Variants in SDK1 observed in about 807,000 individuals in gnomAD.
SDK1 encodes the protein sidekick cell adhesion molecule 1, also known as protein sidekick-1.
In SDK1, 157 loss-of-function variants were observed where a neutral mutation model predicts 245.5. The ratio of observed to expected loss-of-function variants is 0.64; its 90% CI spans 0.56 to 0.73. The LOEUF (loss-of-function observed/expected upper bound fraction) is 0.73, where lower values mean the gene tolerates loss of function less well. Among genes scored for constraint, SDK1 ranks in the 30% least tolerant of loss-of-function variants. The pLI is 0.00. For synonymous variants in SDK1, 1,647 were observed against 1,278.5 expected (o/e 1.29, Z -6.15); for missense variants, 3,583 against 3,002.3 (o/e 1.19, Z -4.52).
chr7:4,259,667 C>T (rs1230762817), intron 44 of SDK1, among the ~76,000 whole-genome samples: 4 of 152,182 alleles, frequency 2.6e-5, no homozygotes, highest in African/African-American at 9.7e-5. Flanking sequence ...CATCAGCTCA[C>T]CTAGGGGTAA....
chr7:4,033,289 C>A (rs969223239), intron 17 of SDK1, among the ~76,000 whole-genome samples: 1 of 152,030 alleles, frequency 6.6e-6, no homozygotes, highest in Non-Finnish European at 1.5e-5. Flanking sequence ...CATTCCCTAC[C>A]CCCATATACA....
intron 35 of SDK1, among the ~76,000 whole-genome samples, chr7:4,192,720 G>A (rs1212751899): frequency 6.6e-6 from 1 of 151,940 alleles, no homozygotes; most frequent in Non-Finnish European, 1.5e-5. Context: ...TCAATGATCT[G>A]GAACCAAACC....
At chr7:3,529,012 G>A (rs1783250443) in intron 1 of SDK1, among the ~76,000 whole-genome samples, 1 of 152,082 alleles carries the variant, frequency 6.6e-6, no homozygotes, top group African/African-American at 2.4e-5. Flanking sequence ...GTGGTAAGTT[G>A]TTTACATGCA....
chr7:4,250,829 A>G (rs1042170907), intron 44 of SDK1, among the ~76,000 whole-genome samples: 17 of 152,240 alleles, frequency 1.1e-4, no homozygotes, highest in Admixed American at 9.8e-4. Flanking sequence ...TTGCCCATTT[A>G]GAATATACGA....
intron 4 of SDK1, among the ~76,000 whole-genome samples, chr7:3,777,342 G>A (rs1780597485): frequency 6.6e-6 from 1 of 152,164 alleles, no homozygotes; most frequent in South Asian, 2.1e-4. Flanking sequence ...TTTCCAAATA[G>A]TTGCATGTTT....
intron 1 of SDK1, among the ~76,000 whole-genome samples, chr7:3,364,235 C>A (rs1288751593): frequency 6.6e-6 from 1 of 152,166 alleles, no homozygotes; most frequent in Non-Finnish European, 1.5e-5. Context: ...TCTGTAGACT[C>A]TATTTCCATT....
intron 1 of SDK1, among the ~76,000 whole-genome samples, chr7:3,379,532 G>T (rs961004460): frequency 2.0e-5 from 3 of 152,052 alleles, no homozygotes; most frequent in African/African-American, 7.2e-5. Context: ...AGGGGAACGG[G>T]GTCTGCCAGC....
intron 1 of SDK1, among the ~76,000 whole-genome samples, chr7:3,352,383 A>C (rs867542819): frequency 3.9e-4 from 60 of 152,274 alleles, no homozygotes; most frequent in African/African-American, 1.2e-3. Flanking sequence ...TGTTTGAGCT[A>C]AATGGGGGAA....
chr7:3,747,753 G>T (rs1024068478), intron 4 of SDK1, among the ~76,000 whole-genome samples: 1 of 151,926 alleles, frequency 6.6e-6, no homozygotes, highest in Admixed American at 6.6e-5. Context: ...GTTGATGAAT[G>T]TTGAAACGCA....
At chr7:3,342,689 A>C (rs1780380329) in intron 1 of SDK1, among the ~76,000 whole-genome samples, 1 of 152,224 alleles carries the variant, frequency 6.6e-6, no homozygotes, top group Non-Finnish European at 1.5e-5. Flanking sequence ...AAAACTTGGT[A>C]AGTTAGAACC....
chr7:3,993,894 A>G (rs924008161), intron 14 of SDK1, among the ~76,000 whole-genome samples: 28 of 152,266 alleles, frequency 1.8e-4, no homozygotes, highest in African/African-American at 6.5e-4. Flanking sequence ...AGTGAGCTCC[A>G]CTGAGTCCAC....
At chr7:3,543,763 G>A (rs1376220739) in intron 1 of SDK1, among the ~76,000 whole-genome samples, 5 of 152,116 alleles carry the variant, frequency 3.3e-5, no homozygotes, top group Non-Finnish European at 7.4e-5. Context: ...ATTGATGTTC[G>A]TATGTTGTGA....
At position 4,024,917 on chromosome 7, in the gene SDK1, A is replaced by G. The variant is rs555464674; in HGVS notation, c.2602+7565A>G. ...AGCCGCATTATGTGGAATAGAAAAG[A>G]CATGGGCGTGCTTCTCACTCTGCCG... On this transcript the variant is annotated intron_variant, in intron 17 of 44. Coordinates refer to ENST00000404826, the MANE Select transcript of SDK1 (RefSeq NM_152744.4). 7.9e-3 allele frequency among the ~76,000 whole-genome samples: 1,204 copies of G among 152,244 alleles called. 17 individuals are homozygous for G. Among genetic ancestry groups the G allele is most frequent in the African/African-American group, 0.027 (1,140 of 41,520 alleles).
At chr7:3,555,800 G>A (rs1036836848) in intron 1 of SDK1, among the ~76,000 whole-genome samples, 31 of 152,166 alleles carry the variant, frequency 2.0e-4, no homozygotes, top group Non-Finnish European at 4.0e-4. Context: ...CATACAAATG[G>A]CAAACAGGTG....
At chr7:3,867,339 T>C (rs529449672) in intron 5 of SDK1, among the ~76,000 whole-genome samples, 30 of 152,304 alleles carry the variant, frequency 2.0e-4, no homozygotes, top group African/African-American at 7.0e-4. Context: ...TATTTTGGTG[T>C]GAAGGTATAT....
At chr7:4,004,917 A>G (rs1379415877) in intron 14 of SDK1, among the ~76,000 whole-genome samples, 1 of 151,662 alleles carries the variant, frequency 6.6e-6, no homozygotes, top group Non-Finnish European at 1.5e-5. Context: ...GTCTTCATCC[A>G]CAAAACCCCC....
intron 17 of SDK1, among the ~76,000 whole-genome samples, chr7:4,020,692 A>T (rs983035245): frequency 2.0e-5 from 3 of 152,132 alleles, no homozygotes; most frequent in Non-Finnish European, 4.4e-5. Context: ...GTGTATATTC[A>T]CACATCTTTC....
chr7:4,220,311 T>G, intron 39 of SDK1, 41 bp downstream of exon 39: 1 of 1,590,398 alleles, frequency 6.3e-7, no homozygotes, highest in African/African-American at 1.3e-5. Context: ...AATTGCAACT[T>G]TAGCCTCCCG....
At chr7:3,867,373 G>A (rs765710902) in intron 5 of SDK1, among the ~76,000 whole-genome samples, 4 of 152,160 alleles carry the variant, frequency 2.6e-5, no homozygotes, top group Non-Finnish European at 5.9e-5. Context: ...TTTTGATTAA[G>A]CCATTTTTAA....
Sources: gnomAD v4.1 joint callset for allele counts (sites outside exome capture counted in the v4.1 genomes callset) on GRCh38, gnomAD v4.1.1 for gene constraint, MANE v1.5 for transcripts, NCBI Gene and HGNC (gene_info 2026-07-23, HGNC 2026-07-21) for gene names.